The following RALYL variants were observed in gnomAD, a reference collection of about 807,000 sequenced individuals.
RALYL encodes RNA-binding Raly-like protein.
A neutral mutation model predicts 35.1 loss-of-function variants in RALYL; 29 were observed. The observed-to-expected ratio is 0.83, with a 90% CI of 0.61 to 1.13. The LOEUF is 1.13. RALYL is among the 50% of genes most tolerant of loss of function. The pLI is 0.00. For synonymous variants in RALYL, 120 were observed against 127.6 expected (o/e 0.94, Z 0.40); for missense variants, 359 against 360.4 (o/e 1.00, Z 0.03).
chr8:84,420,590 C>T (rs2045407577), intron 1 of RALYL, among the ~76,000 whole-genome samples: 2 of 139,668 alleles, frequency 1.4e-5, no homozygotes, highest in South Asian at 4.8e-4. Flanking sequence ...GTTGCCATTG[C>T]TTTTGGTGTT....
chr8:84,427,899 C>T (rs1009820557), intron 1 of RALYL, among the ~76,000 whole-genome samples: 8 of 152,164 alleles, frequency 5.3e-5, no homozygotes, highest in African/African-American at 1.9e-4. Flanking sequence ...CTGCTTTCAT[C>T]TTCTGTATCT....
intron 8 of RALYL, among the ~76,000 whole-genome samples, chr8:84,898,506 T>C (rs570406126): frequency 3.9e-5 from 6 of 152,256 alleles, no homozygotes; most frequent in Non-Finnish European, 7.4e-5. Flanking sequence ...ACATGGTACA[T>C]GAAGAAGAAA....
rs192055705 is a variant in RALYL, at chr8:84,528,762, C to T, written c.-23-537C>T. On this transcript the variant is annotated intron_variant, in intron 1 of 8. Transcript: ENST00000521268. ...AAATTTTTGAATTGAATTTCTAATA[C>T]CATTTTTCCTTTTCCACAGCCTTTA... is the stretch of plus-strand genomic sequence containing the variant. 2.3e-3 allele frequency among the ~76,000 whole-genome samples: 349 copies of T among 151,698 alleles called. 2 individuals carry two copies. The highest frequency in any genetic ancestry group is 8.1e-3 in the African/African-American group (335 of 41,424).
rs374249511 is a variant in RALYL, at chr8:84,247,621, TTAAA to T, written c.-24+63203_-24+63206del. 2.8e-3 allele frequency among the ~76,000 whole-genome samples: 433 copies of T among 152,288 alleles called. 3 individuals carry two copies. The highest frequency in any genetic ancestry group is 1.0e-2 in the African/African-American group (415 of 41,586). On this transcript the variant is annotated intron_variant, in intron 1 of 8. Coordinates refer to ENST00000521268, the MANE Select transcript of RALYL (RefSeq NM_173848.7). The stretch of plus-strand genomic sequence containing the variant: ...GCAGGCTTTAATTACTAGTGAATTG[TTAAA>T]TAAATCTGTTTGGTTTAGTTTTGGT...
At chr8:84,620,849 T>G (rs567817183) in intron 2 of RALYL, among the ~76,000 whole-genome samples, 72 of 152,266 alleles carry the variant, frequency 4.7e-4, no homozygotes, top group Middle Eastern at 3.4e-3. Flanking sequence ...TGGAGTACCC[T>G]GCCGTGTGAG....
intron 1 of RALYL, among the ~76,000 whole-genome samples, chr8:84,520,531 A>C (rs1445515160): frequency 6.6e-6 from 1 of 152,168 alleles, no homozygotes; most frequent in Non-Finnish European, 1.5e-5. Context: ...ATACATAGAC[A>C]TTCTTTAGAT....
intron 2 of RALYL, among the ~76,000 whole-genome samples, chr8:84,694,173 T>A (rs1838667146): frequency 6.6e-6 from 1 of 151,926 alleles, no homozygotes; most frequent in Non-Finnish European, 1.5e-5. Flanking sequence ...TTGAATTTTC[T>A]GTTTGCAGAT....
chr8:84,260,557 C>T (rs934508310), intron 1 of RALYL, among the ~76,000 whole-genome samples: 3 of 152,096 alleles, frequency 2.0e-5, no homozygotes, highest in Non-Finnish European at 4.4e-5. Context: ...ACTTTAGTCA[C>T]GTTCTCTTGA....
chr8:84,259,058 T>G lies in RALYL; in HGVS notation c.-24+74634T>G, dbSNP rs112559481. Reference sequence around the variant, plus strand: ...TAACATGTTATTTATGTCTGTGGCCTAAGTCTTAGCTCATTTCTGACAATA... The same window carrying G: ...TAACATGTTATTTATGTCTGTGGCCGAAGTCTTAGCTCATTTCTGACAATA... On this transcript the variant is annotated intron_variant, in intron 1 of 8. Transcript: ENST00000521268. 8.3e-3 allele frequency among the ~76,000 whole-genome samples: 1,259 copies of G among 152,308 alleles called. 20 individuals are homozygous for G. The highest frequency in any genetic ancestry group is 0.028 in the African/African-American group (1,153 of 41,568).
At chr8:84,623,239 A>T (rs1821961118) in intron 2 of RALYL, among the ~76,000 whole-genome samples, 1 of 152,172 alleles carries the variant, frequency 6.6e-6, no homozygotes. Context: ...AGTTTTTCAT[A>T]GGTAAAGAAT....
chr8:84,363,284 G>T (rs1275548403), intron 1 of RALYL, among the ~76,000 whole-genome samples: 1 of 152,122 alleles, frequency 6.6e-6, no homozygotes, highest in Non-Finnish European at 1.5e-5. Flanking sequence ...GAAAAATCTG[G>T]TCTCTTCATC....
chr8:84,580,680 C>T (rs758468132), intron 2 of RALYL, among the ~76,000 whole-genome samples: 10 of 152,096 alleles, frequency 6.6e-5, no homozygotes, highest in South Asian at 6.2e-4. Flanking sequence ...ATTCTCCTTT[C>T]GGGCTAAACA....
intron 1 of RALYL, among the ~76,000 whole-genome samples, chr8:84,304,546 A>G (rs757688442): frequency 2.0e-5 from 3 of 152,222 alleles, no homozygotes; most frequent in Non-Finnish European, 4.4e-5. Flanking sequence ...AATAAACACT[A>G]GCACTTTTAC....
At chr8:84,437,899 C>T (rs1049256863) in intron 1 of RALYL, among the ~76,000 whole-genome samples, 1 of 152,272 alleles carries the variant, frequency 6.6e-6, no homozygotes, top group African/African-American at 2.4e-5. Context: ...CAAGCAGATG[C>T]CAGCATCATG....
intron 3 of RALYL, among the ~76,000 whole-genome samples, chr8:84,803,851 A>G (rs557210485): frequency 6.6e-6 from 1 of 152,344 alleles, no homozygotes; most frequent in South Asian, 2.1e-4. Flanking sequence ...TAATTCTAAG[A>G]TAGTCATTTC....
chr8:84,917,736 A>T (rs1054282147), intron 8 of RALYL, among the ~76,000 whole-genome samples: 1 of 151,890 alleles, frequency 6.6e-6, no homozygotes, highest in Non-Finnish European at 1.5e-5. Context: ...CCAATAAGTT[A>T]CTACTCATTT....
intron 1 of RALYL, among the ~76,000 whole-genome samples, chr8:84,346,787 G>C (rs1335769745): frequency 5.3e-5 from 8 of 151,832 alleles, no homozygotes; most frequent in Non-Finnish European, 1.0e-4. Flanking sequence ...TGATTTTATT[G>C]GAGAACTAAA....
intron 1 of RALYL, among the ~76,000 whole-genome samples, chr8:84,317,538 A>T (rs1168264280): frequency 6.6e-6 from 1 of 152,168 alleles, no homozygotes; most frequent in Non-Finnish European, 1.5e-5. Flanking sequence ...CCTTAAACAG[A>T]CTTTTCATCC....
At chr8:84,751,901 T>C (rs1326075052) in intron 2 of RALYL, among the ~76,000 whole-genome samples, 1 of 152,154 alleles carries the variant, frequency 6.6e-6, no homozygotes, top group East Asian at 1.9e-4. Flanking sequence ...TTTATAGCAA[T>C]GTGAGAACAG....
Sources: gnomAD v4.1 joint callset for allele counts (sites outside exome capture counted in the v4.1 genomes callset) on GRCh38, gnomAD v4.1.1 for gene constraint, MANE v1.5 for transcripts, NCBI Gene and HGNC (gene_info 2026-07-23, HGNC 2026-07-21) for gene names.